Variants in TTC27 observed in about 807,000 individuals in gnomAD.
The protein encoded by TTC27 is tetratricopeptide repeat protein 27.
Under a neutral mutation model 115.9 loss-of-function variants are expected in TTC27, and 79 were observed. The observed-to-expected ratio is 0.68, with a 90% CI of 0.57 to 0.82. The LOEUF is 0.82. Among genes scored for constraint, TTC27 ranks in the 40% least tolerant of loss-of-function variants. The pLI, the probability that TTC27 is intolerant of heterozygous loss-of-function variation, is 0.00. For missense variants in TTC27, 1,054 were observed against 993.1 expected (o/e 1.06, Z -0.82); for synonymous variants, 401 against 356.0 (o/e 1.13, Z -1.42).
rs544393651 is a variant in TTC27 at position 32,795,226 on chromosome 2, G to C, written c.1998+8077G>C. ...AAAATACTAGCAAATTGATTCACTA[G>C]CATATTAAAAGGATTATACACCATA... On this transcript the variant is annotated intron_variant, in intron 16 of 19. Transcript: ENST00000317907. Among the ~76,000 whole-genome samples the C allele has an allele frequency of 4.0e-5, 6 of 151,342 alleles. No individual in the cohort carries two copies. In the South Asian group the frequency reaches 1.3e-3, roughly 32 times the overall value.
At chr2:32,774,499 G>T (rs776727028) in intron 13 of TTC27, among the ~76,000 whole-genome samples, 6 of 152,076 alleles carry the variant, frequency 3.9e-5, no homozygotes, top group Non-Finnish European at 7.4e-5. Flanking sequence ...AAAATATAAT[G>T]AGGCTACTAG....
chr2:32,783,959 G>A (rs1229807734), intron 15 of TTC27, among the ~76,000 whole-genome samples: 2 of 152,224 alleles, frequency 1.3e-5, no homozygotes, highest in Admixed American at 6.5e-5. Context: ...TAGAGATCAT[G>A]AAATGCTGCC....
At chr2:32,666,516 T>G in intron 6 of TTC27, 119 bp from the exon 7 acceptor site, 1 of 1,083,572 alleles carries the variant, frequency 9.2e-7, no homozygotes, top group Non-Finnish European at 1.2e-6. Flanking sequence ...CAGGACTTTC[T>G]TATGTGAAAT....
rs1352154399 is a variant in TTC27 at position 32,782,501 on chromosome 2, T to G, written c.1780-125T>G. On this transcript the variant is annotated intron_variant, in intron 14 of 19. Coordinates refer to ENST00000317907, the MANE Select transcript of TTC27 (RefSeq NM_017735.5). ...TTTTGCCATATACCTTTAAACACACTCTTATTGAAAATTGTGGTTTTAAAG... is the reference window on the plus strand; with the variant it reads ...TTTTGCCATATACCTTTAAACACACGCTTATTGAAAATTGTGGTTTTAAAG... The G allele has an allele frequency of 4.8e-6, 3 of 624,232 alleles. No homozygotes were observed. The East Asian group carries it at 8.2e-5, about 17-fold the overall frequency. 38.7% of individuals were successfully genotyped at this position (624,232 alleles called of 1,614,324 possible).
intron 5 of TTC27, among the ~76,000 whole-genome samples, chr2:32,661,753 CTTTA>C (rs1665556939): frequency 6.6e-6 from 1 of 152,120 alleles, no homozygotes; most frequent in South Asian, 2.1e-4. Flanking sequence ...TTTGAATACC[CTTTA>C]TTTCTTTCTC....
chr2:32,791,743 G>A (rs1377358768), intron 16 of TTC27, among the ~76,000 whole-genome samples: 1 of 152,026 alleles, frequency 6.6e-6, no homozygotes, highest in African/African-American at 2.4e-5. Context: ...GGCATGGTGG[G>A]ATGTGCCTAC....
intron 5 of TTC27, among the ~76,000 whole-genome samples, chr2:32,661,582 G>A (rs1665549429): frequency 6.6e-6 from 1 of 152,150 alleles, no homozygotes; most frequent in Non-Finnish European, 1.5e-5. Context: ...TCTGTTATTG[G>A]TGTATAGGAA....
At chr2:32,665,842 G>T (rs1312322196) in intron 6 of TTC27, among the ~76,000 whole-genome samples, 1 of 152,182 alleles carries the variant, frequency 6.6e-6, no homozygotes, top group Non-Finnish European at 1.5e-5. Context: ...AGTGAGCTGA[G>T]ATCGCACCAC....
In TTC27 at chr2:32,773,282, C is replaced by G. The variant is rs1220857422; in HGVS notation, c.1681-4600C>G. ...TCTGCAGAAATCTCAACCAGGGCCTCTCTATCAGGTGATTATCTCCCTCCA... is the reference window on the plus strand; with the variant it reads ...TCTGCAGAAATCTCAACCAGGGCCTGTCTATCAGGTGATTATCTCCCTCCA... On this transcript the variant is annotated intron_variant, in intron 13 of 19. Coordinates refer to ENST00000317907, the MANE Select transcript of TTC27 (RefSeq NM_017735.5). 2.0e-5 allele frequency among the ~76,000 whole-genome samples: 3 copies of G among 152,154 alleles called. No individual in the cohort carries two copies. In the East Asian group the frequency reaches 5.8e-4, roughly 29 times the overall value.
chr2:32,760,207 C>G (rs1348375825), intron 13 of TTC27, among the ~76,000 whole-genome samples: 1 of 152,150 alleles, frequency 6.6e-6, no homozygotes, highest in Admixed American at 6.5e-5. Context: ...CTTTCCAAAT[C>G]AGGTAAAAAG....
rs760455267 is a variant in TTC27 at position 32,812,566 on chromosome 2, T to G, written c.2259T>G (p.Asp753Glu). 85 of 1,614,020 alleles carry G rather than the reference T, an allele frequency of 5.3e-5. No individual in the cohort carries two copies. Among genetic ancestry groups the G allele is most frequent in the Non-Finnish European group, 7.1e-5 (84 of 1,179,986 alleles). ...CCCAGTCCAATTGTTGGGAGAAAGA[T>G]ATTACATCATTTAAGGAAGTTGTTC... ...CDTQSNCWEK[D>E]ITSFKEVVQR... Residue 753 changes from aspartate (D) to glutamate (E), a missense_variant, in exon 18 of 20, where the codon GAT (aspartate) becomes GAG (glutamate). Asp to Glu is a conservative substitution (Grantham distance 45). Coordinates refer to ENST00000317907, the MANE Select transcript of TTC27 (RefSeq NM_017735.5).
At chr2:32,746,531 C>A (rs935071392) in intron 12 of TTC27, among the ~76,000 whole-genome samples, 2 of 98,518 alleles carry the variant, frequency 2.0e-5, no homozygotes, top group African/African-American at 7.9e-5. Flanking sequence ...CCATTGCACT[C>A]CAGCCTTGGC....
chr2:32,667,238 C>G lies in TTC27; in HGVS notation c.939+470C>G, dbSNP rs1011128532. 6.8e-4 allele frequency among the ~76,000 whole-genome samples: 103 copies of G among 151,856 alleles called. 1 individual carries two copies. The highest frequency in any genetic ancestry group is 2.1e-4 in the Non-Finnish European group (14 of 67,972). ...TGTGATCGGCCTTTTGTTTCTCTGT[C>G]ATTATTGGGGGGGTGGTTGCCTTAG... On this transcript the variant is annotated intron_variant, in intron 7 of 19. Transcript: ENST00000317907.
chr2:32,766,586 T>G (rs1450177229), intron 13 of TTC27: 2 of 220,336 alleles, frequency 9.1e-6, no homozygotes, highest in Non-Finnish European at 2.0e-5. Flanking sequence ...CAGTTTGTGG[T>G]GCCCCCAAAC....
chr2:32,762,635 T>TG (rs986347129), intron 13 of TTC27, among the ~76,000 whole-genome samples: 6 of 151,910 alleles, frequency 3.9e-5, no homozygotes, highest in African/African-American at 1.5e-4. Flanking sequence ...TGGGTTTTTT[T>TG]TTTTGTTTTG....
chr2:32,725,309 CCTT>C (rs1668071057), intron 10 of TTC27, among the ~76,000 whole-genome samples: 1 of 152,114 alleles, frequency 6.6e-6, no homozygotes, highest in African/African-American at 2.4e-5. Context: ...AAGGCAAGTC[CCTT>C]CTGCCTATGA....
intron 14 of TTC27, among the ~76,000 whole-genome samples, chr2:32,781,355 A>G (rs1043025219): frequency 1.3e-5 from 2 of 152,002 alleles, no homozygotes; most frequent in Non-Finnish European, 2.9e-5. Context: ...CATTTCTGGT[A>G]CTGTTTCTTA....
intron 5 of TTC27, among the ~76,000 whole-genome samples, chr2:32,653,305 C>CA: frequency 6.6e-6 from 1 of 151,810 alleles, no homozygotes; most frequent in Non-Finnish European, 1.5e-5. Context: ...AAAGAGTGTT[C>CA]AAAAAAACAG....
chr2:32,799,556 T>TAG (rs1558350323), intron 16 of TTC27, among the ~76,000 whole-genome samples: 1 of 152,124 alleles, frequency 6.6e-6, no homozygotes, highest in Non-Finnish European at 1.5e-5. Flanking sequence ...GAATAGGGAA[T>TAG]GGAAGTAGAT....
Sources: allele counts gnomAD v4.1 joint callset (sites outside exome capture counted in the v4.1 genomes callset), GRCh38; gene constraint gnomAD v4.1.1; transcripts MANE v1.5; gene names NCBI Gene and HGNC (gene_info 2026-07-23, HGNC 2026-07-21).